Variants in ANO2 observed in about 807,000 individuals in gnomAD.
ANO2 encodes the protein anoctamin 2.
A neutral mutation model predicts 124.2 loss-of-function variants in ANO2; 101 were observed. The ratio of observed to expected loss-of-function variants is 0.81; its 90% CI spans 0.69 to 0.96. The LOEUF is 0.96. Among genes scored for constraint, ANO2 ranks in the 40% least tolerant of loss-of-function variants. The pLI is 0.00. For missense variants in ANO2, 1,293 were observed against 1,274.5 expected, an observed-to-expected ratio of 1.01 and a Z score of -0.22; for synonymous variants, 486 against 482.5, an observed-to-expected ratio of 1.01 and a Z score of -0.09.
chr12:5,743,498 T>A (rs892971913), intron 12 of ANO2, among the ~76,000 whole-genome samples: 7 of 151,892 alleles, frequency 4.6e-5, no homozygotes, highest in African/African-American at 1.5e-4. Flanking sequence ...TGTGTGTGTA[T>A]CTGTGTGTGT....
At chr12:5,833,949 T>C (rs79523092) in intron 4 of ANO2, among the ~76,000 whole-genome samples, 7,489 of 152,070 alleles carry the variant, frequency 0.049, 323 homozygotes, top group East Asian at 0.24. Context: ...AAGCCCTGAA[T>C]CACACCATAA....
intron 7 of ANO2, among the ~76,000 whole-genome samples, chr12:5,813,234 G>A (rs1953493586): frequency 6.6e-6 from 1 of 152,164 alleles, no homozygotes; most frequent in Non-Finnish European, 1.5e-5. Context: ...TATCTTTGGG[G>A]GGTCAGAACC....
chr12:5,650,132 G>T (rs552188450), intron 14 of ANO2, among the ~76,000 whole-genome samples: 2 of 152,238 alleles, frequency 1.3e-5, no homozygotes, highest in East Asian at 3.9e-4. Context: ...TCTGAACAGT[G>T]CCAATGGGCC....
At chr12:5,611,607 C>G (rs1944551090) in intron 19 of ANO2, among the ~76,000 whole-genome samples, 1 of 152,142 alleles carries the variant, frequency 6.6e-6, no homozygotes, top group South Asian at 2.1e-4. Flanking sequence ...GAAACAAATG[C>G]CTTTGTTGCT....
chr12:5,583,467 C>T (rs1201097667), intron 20 of ANO2, among the ~76,000 whole-genome samples: 1 of 151,816 alleles, frequency 6.6e-6, no homozygotes, highest in East Asian at 1.9e-4. Flanking sequence ...TCTTGGCTAA[C>T]ACGGTGAAAC....
At chr12:5,798,481 G>C (rs1343470703) in intron 10 of ANO2, among the ~76,000 whole-genome samples, 1 of 152,076 alleles carries the variant, frequency 6.6e-6, no homozygotes, top group Non-Finnish European at 1.5e-5. Flanking sequence ...GATTCTCCTG[G>C]CCGCTGCCCC....
chr12:5,768,296 T>C (rs1355455601), intron 10 of ANO2, among the ~76,000 whole-genome samples: 1 of 152,122 alleles, frequency 6.6e-6, no homozygotes, highest in Non-Finnish European at 1.5e-5. Flanking sequence ...GGATCTTCCC[T>C]CATTGGAAAG....
chr12:5,564,906 A>C (rs888396899), intron 24 of ANO2, among the ~76,000 whole-genome samples: 7 of 152,134 alleles, frequency 4.6e-5, no homozygotes, highest in Admixed American at 2.6e-4. Flanking sequence ...GAGGGAGCCA[A>C]AGAGAAAAGG....
chr12:5,882,807 G>A (rs1371842782), intron 3 of ANO2, among the ~76,000 whole-genome samples: 1 of 152,204 alleles, frequency 6.6e-6, no homozygotes, highest in Admixed American at 6.5e-5. Context: ...AAAAAAGGCA[G>A]AGATCTTGAT....
chr12:5,608,002 A>G (rs1242393561), intron 19 of ANO2, among the ~76,000 whole-genome samples: 1 of 152,036 alleles, frequency 6.6e-6, no homozygotes, highest in Non-Finnish European at 1.5e-5. Flanking sequence ...CCACGGAAAA[A>G]CTGTCTTCCA....
intron 16 of ANO2, among the ~76,000 whole-genome samples, chr12:5,634,118 C>T (rs927804892): frequency 1.3e-5 from 2 of 152,150 alleles, no homozygotes; most frequent in African/African-American, 2.4e-5. Context: ...ACACAGATAA[C>T]GTTCACAAAT....
At chr12:5,907,860 T>C (rs1940800840) in intron 3 of ANO2, among the ~76,000 whole-genome samples, 1 of 152,208 alleles carries the variant, frequency 6.6e-6, no homozygotes, top group South Asian at 2.1e-4. Flanking sequence ...TCTTGCTACA[T>C]CGTGCTCCTG....
intron 3 of ANO2, among the ~76,000 whole-genome samples, chr12:5,901,087 C>T (rs1435050825): frequency 6.6e-6 from 1 of 152,180 alleles, no homozygotes; most frequent in Non-Finnish European, 1.5e-5. Flanking sequence ...CGTTTCCATA[C>T]CGAGCAAGGC....
At chr12:5,597,926 T>G (rs142865932) in intron 20 of ANO2, among the ~76,000 whole-genome samples, 1 of 152,332 alleles carries the variant, frequency 6.6e-6, no homozygotes. Context: ...AACCAGGTCT[T>G]GATATTTTCT....
intron 16 of ANO2, among the ~76,000 whole-genome samples, chr12:5,626,079 G>C (rs1945384679): frequency 6.6e-6 from 1 of 152,154 alleles, no homozygotes; most frequent in Admixed American, 6.5e-5. Flanking sequence ...AGAAGTGTTA[G>C]CAAGTTAGCT....
chr12:5,826,493 A>C (rs1953960488), intron 7 of ANO2, among the ~76,000 whole-genome samples: 1 of 151,042 alleles, frequency 6.6e-6, no homozygotes, highest in African/African-American at 2.5e-5. Context: ...ATATGTATAT[A>C]TAAAATTTCT....
At position 5,645,414 on chromosome 12, in the gene ANO2, C is replaced by T. The variant is rs1477472209; in HGVS notation, c.1620+2313G>A. ...AAGAAAAAACAAATCTATCCATGGTCGTGTGTGTGTGAATGTGTGTGTGTG... is the reference window on the plus strand; with the variant it reads ...AAGAAAAAACAAATCTATCCATGGTTGTGTGTGTGTGAATGTGTGTGTGTG... On this transcript the variant is annotated intron_variant, in intron 15 of 24. Coordinates refer to ENST00000682330, the MANE Select transcript of ANO2 (RefSeq NM_001364791.2). Among the ~76,000 whole-genome samples, 4 of 151,012 alleles carry T rather than the reference C, an allele frequency of 2.6e-5. 1 individual carries two copies.
At chr12:5,794,433 C>G (rs1591625283) in intron 10 of ANO2, among the ~76,000 whole-genome samples, 1 of 152,180 alleles carries the variant, frequency 6.6e-6, no homozygotes, top group African/African-American at 2.4e-5. Context: ...GGCTTTGAGT[C>G]AATGTGATTT....
At chr12:5,782,232 C>T (rs1371195615) in intron 10 of ANO2, among the ~76,000 whole-genome samples, 1 of 152,184 alleles carries the variant, frequency 6.6e-6, no homozygotes. Flanking sequence ...CCAGACCCTA[C>T]TGTCTGATAT....
Sources: allele counts gnomAD v4.1 joint callset (sites outside exome capture counted in the v4.1 genomes callset), GRCh38; gene constraint gnomAD v4.1.1; transcripts MANE v1.5; gene names NCBI Gene and HGNC (gene_info 2026-07-23, HGNC 2026-07-21).